The following MYADML2 variants were observed in gnomAD, a reference collection of about 807,000 sequenced individuals.
The protein encoded by MYADML2 is myeloid-associated differentiation marker-like protein 2.
MYADML2 carries 17 observed loss-of-function variants against 16.0 expected under a neutral mutation model. That is an observed-to-expected ratio of 1.06 (90% CI 0.73 to 1.60). The LOEUF is 1.60. Among genes scored for constraint, MYADML2 ranks in the 40% most tolerant of loss-of-function variants. The pLI, the probability that MYADML2 is intolerant of heterozygous loss-of-function variation, is 0.00. For missense variants in MYADML2, 422 were observed against 437.7 expected, an observed-to-expected ratio of 0.96 and a Z score of 0.32; for synonymous variants, 210 against 208.1, an observed-to-expected ratio of 1.01 and a Z score of -0.08.
At chr17:81,944,572 T>C (rs1445210266) in intron 1 of MYADML2, among the ~76,000 whole-genome samples, 2 of 152,068 alleles carry the variant, frequency 1.3e-5, no homozygotes. Context: ...TCCTAACCCA[T>C]AGGATCATCT....
chr17:81,943,223 C>T (rs2041319133), intron 1 of MYADML2, among the ~76,000 whole-genome samples: 1 of 151,276 alleles, frequency 6.6e-6, no homozygotes, highest in African/African-American at 2.4e-5. Context: ...GCACCTGCCA[C>T]CACGCCCGGC....
In MYADML2 at chr17:81,941,282, C is replaced by T. The variant is rs1055206854; in HGVS notation, c.460G>A (p.Gly154Ser). 2.6e-5 allele frequency: 40 copies of T among 1,549,882 alleles called. No homozygotes were observed. Among genetic ancestry groups the T allele is most frequent in the African/African-American group, 9.6e-5 (7 of 73,026 alleles). Reference protein sequence around the residue: ...VEVALTRARPGQVSSYMATVS... With the variant: ...VEVALTRARPSQVSSYMATVS... ...GTGGCCATATAGCTGCTCACCTGGC[C>T]GGGCCGGGCCCGCGTCAGGGCCACC... The change falls in exon 3 of 3, where the codon GGC becomes AGC. Residue 154 changes from glycine (G) to serine (S), a missense_variant. By Grantham distance (56) the Gly-to-Ser change is moderately conservative. Coordinates refer to ENST00000409745, the MANE Select transcript of MYADML2 (RefSeq NM_001145113.3).
At chr17:81,944,074 T>G (rs1478603981) in intron 1 of MYADML2, among the ~76,000 whole-genome samples, 1 of 149,234 alleles carries the variant, frequency 6.7e-6, no homozygotes, top group Admixed American at 6.7e-5. Context: ...ATCACGCCAT[T>G]GCACTCCAGC....
chr17:81,945,236 AT>A (rs1266252716), intron 1 of MYADML2, among the ~76,000 whole-genome samples: 47 of 147,306 alleles, frequency 3.2e-4, no homozygotes, highest in African/African-American at 1.2e-3. Context: ...CTCTGTCTAT[AT>A]TTAAAAAAAA....
intron 2 of MYADML2, 100 bp from the exon 3 acceptor site, chr17:81,941,943 A>G (rs2041308851): frequency 5.7e-6 from 3 of 521,928 alleles, no homozygotes; most frequent in Non-Finnish European, 1.0e-5. Flanking sequence ...AGCCGTGATC[A>G]GAGCCCCGGA....
chr17:81,941,928 T>A, intron 2 of MYADML2, 85 bp from the exon 3 acceptor site: 1 of 562,316 alleles, frequency 1.8e-6, no homozygotes, highest in Non-Finnish European at 3.1e-6. Context: ...GCGCTATAAA[T>A]AGACAGCCGT....
intron 1 of MYADML2, among the ~76,000 whole-genome samples, chr17:81,945,973 T>C (rs2041341306): frequency 6.6e-6 from 1 of 152,140 alleles, no homozygotes; most frequent in South Asian, 2.1e-4. Context: ...GAACCTCGGT[T>C]GGCCAGAGGG....
rs373498319 is a variant in MYADML2, at chr17:81,941,720, G to A, written c.22C>T (p.Pro8Ser). Residue 8 changes from proline (P) to serine (S), a missense_variant, in exon 3 of 3, where the codon CCT becomes TCT. By Grantham distance (74) the Pro-to-Ser change is moderately conservative. Transcript: ENST00000409745. Reference protein sequence around the residue: MGSTMEPPGGAYLHLGAV... With the variant: MGSTMEPSGGAYLHLGAV... The stretch of plus-strand genomic sequence containing the variant: ...CCCAGGTGCAGGTACGCACCCCCAG[G>A]GGGCTCCATGGTGCTGCCCATCTGG... 7.2e-6 allele frequency: 11 copies of A among 1,527,942 alleles called. No individual in the cohort carries two copies. The highest frequency in any genetic ancestry group is 2.5e-5 in the East Asian group (1 of 40,572). The allele number at this position is 1,527,942 out of a possible 1,614,324, so 94.6% of individuals were successfully genotyped here. A position where few individuals can be genotyped will look rare whatever the true frequency, so the allele number is the denominator to read the frequency against.
rs1005787133 is a variant in MYADML2, at chr17:81,941,177, C to T, written c.565G>A (p.Gly189Arg). 9.0e-6 allele frequency: 14 copies of T among 1,550,110 alleles called. No individual in the cohort carries two copies. Among genetic ancestry groups the T allele is most frequent in the African/African-American group, 6.8e-5 (5 of 73,056 alleles). Residue 189 changes from glycine to arginine, a missense_variant, in exon 3 of 3, where the codon GGG (glycine) becomes AGG (arginine). Physicochemically the swap from Gly to Arg is moderately radical, Grantham distance 125. Transcript: ENST00000409745. ...FGALVHDSRY[G>R]RYVATQWCVA... ...CACCACTGGGTGGCCACGTAGCGCC[C>T]GTAGCGGCTGTCATGGACCAGCGCC... is the stretch of plus-strand genomic sequence containing the variant.
intron 1 of MYADML2, among the ~76,000 whole-genome samples, chr17:81,946,387 G>C (rs572702381): frequency 9.4e-5 from 14 of 148,888 alleles, no homozygotes; most frequent in Admixed American, 6.7e-5. Flanking sequence ...GGTGGCTCAT[G>C]CCTGTAATCC....
At chr17:81,946,530 C>T (rs2041348780) in intron 1 of MYADML2, among the ~76,000 whole-genome samples, 1 of 151,840 alleles carries the variant, frequency 6.6e-6, no homozygotes, top group South Asian at 2.1e-4. Context: ...CGCTGGTAGT[C>T]CCAGCTACTC....
In MYADML2 at chr17:81,941,356, A is replaced by T; in HGVS notation, c.386T>A (p.Leu129Gln). The change falls in exon 3 of 3, where the codon CTG (leucine) becomes CAG (glutamine). Residue 129 changes from leucine (L) to glutamine (Q), a missense_variant. Coordinates refer to ENST00000409745, the MANE Select transcript of MYADML2 (RefSeq NM_001145113.3). ...PAGCAARDFR[L>Q]AASVFAGLLF... ...GAGCCCGGCGAAGACACTGGCTGCCAGGCGGAAGTCCCTGGCAGCACAGCC... is the reference window on the plus strand; with the variant it reads ...GAGCCCGGCGAAGACACTGGCTGCCTGGCGGAAGTCCCTGGCAGCACAGCC... The T allele has an allele frequency of 6.5e-7, 1 of 1,548,842 alleles. No individual in the cohort carries two copies. The highest frequency in any genetic ancestry group is 1.2e-5 in the South Asian group (1 of 84,000).
rs887531034 is a variant in MYADML2, at chr17:81,941,518, C to T, written c.224G>A (p.Arg75Gln). ...SALVVACEFT[R>Q]LHGCLRLSWG... is the part of the protein sequence containing the mutation. ...GGAGAGCCGCAGGCAGCCGTGGAGC[C>T]GTGTGAACTCACAGGCCACCACCAG... Residue 75 changes from arginine to glutamine, a missense_variant, in exon 3 of 3, where the codon CGG becomes CAG. By Grantham distance (43) the Arg-to-Gln change is conservative. Transcript: ENST00000409745. The T allele has an allele frequency of 9.7e-6, 15 of 1,547,944 alleles. No homozygotes were observed. The highest frequency in any genetic ancestry group is 5.9e-5 in the Admixed American group (3 of 50,938).
Position 81,940,411 on chromosome 17 carries a change from G to C in MYADML2, c.*407C>G, listed in dbSNP as rs1057429823. The stretch of plus-strand genomic sequence containing the variant: ...TTACCCAGCCTGACTGTGGTCTCCA[G>C]ACACTAATGGAGGTACTGGGTGCCT... On this transcript the variant is annotated 3_prime_UTR_variant, in exon 3 of 3. Coordinates refer to ENST00000409745, the MANE Select transcript of MYADML2 (RefSeq NM_001145113.3). The C allele has an allele frequency of 5.8e-6, 1 of 171,420 alleles. No homozygotes were observed. Among genetic ancestry groups the C allele is most frequent in the African/African-American group, 2.4e-5 (1 of 42,110 alleles). The allele number at this position is 171,420 out of a possible 1,614,324, so 10.6% of individuals were successfully genotyped here.
intron 1 of MYADML2, among the ~76,000 whole-genome samples, chr17:81,945,018 C>T (rs745529603): frequency 2.0e-5 from 3 of 152,138 alleles, no homozygotes; most frequent in Non-Finnish European, 4.4e-5. Context: ...GTCATCCCAG[C>T]GCTTTGGGAG....
chr17:81,946,463 G>A (rs139964530), intron 1 of MYADML2, among the ~76,000 whole-genome samples: 6,052 of 150,944 alleles, frequency 0.04, 308 homozygotes, highest in African/African-American at 0.11. Context: ...CCTGGCCAAC[G>A]TGGTGAAACC....
In MYADML2 at chr17:81,942,066, G is replaced by A. The variant is rs188974011; in HGVS notation, c.-102-223C>T. On this transcript the variant is annotated intron_variant, in intron 2 of 2. Transcript: ENST00000409745. The surrounding 1 kb of genome is among the most constrained non-coding windows in gnomAD (Gnocchi z 4.4). ...GGCTGCTGGCACCACCCCCACCTCC[G>A]CCTCCCGCGCACCTGCATCTGTCAA... The A allele has an allele frequency of 2.5e-3, 657 of 267,846 alleles. 6 individuals are homozygous for A. Among genetic ancestry groups the A allele is most frequent in the African/African-American group, 0.013 (602 of 45,610 alleles). The allele number at this position is 267,846 out of a possible 1,614,324, so 16.6% of individuals were successfully genotyped here. A position where few individuals can be genotyped will look rare whatever the true frequency, so the allele number is the denominator to read the frequency against.
At position 81,941,613 on chromosome 17, in the gene MYADML2, C is replaced by T. The variant is rs1282488156; in HGVS notation, c.129G>A (p.Arg43=). The change falls in exon 3 of 3, where the codon CGG becomes CGA. Residue 43 remains arginine, a synonymous_variant. Coordinates refer to ENST00000409745, the MANE Select transcript of MYADML2 (RefSeq NM_001145113.3). Reference sequence around the variant, plus strand: ...TGCCCTGGACGCCCGCAAAGCCACCCCGGTGGGCCACCAGGCTGAAGGTAG... The same window carrying T: ...TGCCCTGGACGCCCGCAAAGCCACCTCGGTGGGCCACCAGGCTGAAGGTAG... ...GCTTFSLVAH[R]GGFAGVQGTF... is the part of the protein sequence containing the mutation. The T allele has an allele frequency of 1.8e-5, 28 of 1,548,926 alleles. No homozygotes were observed. The East Asian group carries it at 5.9e-4, about 32-fold the overall frequency.
Position 81,941,518 on chromosome 17 carries a change from C to G in MYADML2, c.224G>C (p.Arg75Pro), listed in dbSNP as rs887531034. The G allele has an allele frequency of 6.5e-7, 1 of 1,548,062 alleles. No individual in the cohort carries two copies. ...GGAGAGCCGCAGGCAGCCGTGGAGC[C>G]GTGTGAACTCACAGGCCACCACCAG... is the stretch of plus-strand genomic sequence containing the variant. ...SALVVACEFT[R>P]LHGCLRLSWG... is the part of the protein sequence containing the mutation. The change falls in exon 3 of 3, where the codon CGG becomes CCG. Residue 75 changes from arginine to proline, a missense_variant. Arg to Pro is a moderately radical substitution (Grantham distance 103). Transcript: ENST00000409745.
Sources: allele counts gnomAD v4.1 joint callset (sites outside exome capture counted in the v4.1 genomes callset), GRCh38; gene constraint gnomAD v4.1.1; non-coding constraint Gnocchi (gnomAD v3.1); transcripts MANE v1.5; gene names NCBI Gene and HGNC (gene_info 2026-07-23, HGNC 2026-07-21).